SLC25A4: variants seen among roughly 807,000 people sequenced by gnomAD.
The protein encoded by SLC25A4 is solute carrier family 25 member 4.
Under a neutral mutation model 24.7 loss-of-function variants are expected in SLC25A4, and 10 were observed. The observed-to-expected ratio is 0.41, with a 90% confidence interval of 0.25 to 0.69. SLC25A4 has a LOEUF of 0.69. SLC25A4 is among the 30% of genes least tolerant of loss of function. SLC25A4 has a pLI of 0.35. For missense variants in SLC25A4, 273 were observed against 387.6 expected, an observed-to-expected ratio of 0.70 and a Z score of 2.48; for synonymous variants, 125 against 153.3, an observed-to-expected ratio of 0.82 and a Z score of 1.36.
At chr4:185,143,915 A>G (rs1448234178) in intron 1 of SLC25A4, among the ~76,000 whole-genome samples, 1 of 152,208 alleles carries the variant, frequency 6.6e-6, no homozygotes, top group African/African-American at 2.4e-5. Flanking sequence ...CTCATGCACA[A>G]TGCTGTATGT....
Position 185,143,451 on chromosome 4 carries a change from G to GC in SLC25A4, c.84dup (p.Ile29HisfsTer20). ...CGCTGCCGTCTCCAAGACCGCGGTC[G>GC]CCCCCATCGAGAGGGTCAAACTGCT... is the stretch of plus-strand genomic sequence containing the variant. On this transcript the variant is annotated frameshift_variant, in exon 1 of 4. Coordinates refer to ENST00000281456, the MANE Select transcript of SLC25A4 (RefSeq NM_001151.4). LOFTEE classifies it high-confidence loss of function. The GC allele has an allele frequency of 6.6e-7, 1 of 1,504,042 alleles. No individual in the cohort carries two copies. The highest frequency in any genetic ancestry group is 8.9e-7 in the Non-Finnish European group (1 of 1,122,486). The allele number at this position is 1,504,042 out of a possible 1,614,324, so 93.2% of individuals were successfully genotyped here.
Position 185,145,412 on chromosome 4 carries a change from A to G in SLC25A4, c.598+162A>G. 9.3e-7 allele frequency: 1 copy of G among 1,077,232 alleles called. No individual in the cohort carries two copies. 66.7% of individuals were successfully genotyped at this position (1,077,232 alleles called of 1,614,324 possible). On this transcript the variant is annotated intron_variant, in intron 2 of 3. Transcript: ENST00000281456. The surrounding 1 kb of genome is among the most constrained non-coding windows in gnomAD (Gnocchi z 5.5). ...GGTGATGTGCATAAGTTAATAGCTGAAGCGTTCCTTGTGTCCTCTACTGAA... is the reference window on the plus strand; with the variant it reads ...GGTGATGTGCATAAGTTAATAGCTGGAGCGTTCCTTGTGTCCTCTACTGAA...
intron 3 of SLC25A4, among the ~76,000 whole-genome samples, chr4:185,146,577 G>T (rs749658675): frequency 6.6e-6 from 1 of 152,128 alleles, no homozygotes; most frequent in African/African-American, 2.4e-5. Flanking sequence ...TGAATTACTT[G>T]GTTAATTGCC....
In SLC25A4 at chr4:185,149,747, G is replaced by A. The variant is rs1734505322; in HGVS notation, c.*2776G>A. 1 of 152,188 alleles carries A rather than the reference G, an allele frequency of 6.6e-6. No individual in the cohort carries two copies. Among genetic ancestry groups the A allele is most frequent in the African/African-American group, 2.4e-5 (1 of 41,420 alleles). The allele number at this position is 152,188 out of a possible 1,614,324, so 9.4% of individuals were successfully genotyped here. On this transcript the variant is annotated 3_prime_UTR_variant, in exon 4 of 4. Coordinates refer to ENST00000281456, the MANE Select transcript of SLC25A4 (RefSeq NM_001151.4). ...CCATTTCCCACACAGCTCTCTCCTAGGCGCAGCCCTCCTTCACCACCACCA... is the reference window on the plus strand; with the variant it reads ...CCATTTCCCACACAGCTCTCTCCTAAGCGCAGCCCTCCTTCACCACCACCA...
rs1389682956 is a variant in SLC25A4 at position 185,147,319 on chromosome 4, A to G, written c.*348A>G. 1 of 223,548 alleles carries G rather than the reference A, an allele frequency of 4.5e-6. No homozygotes were observed. Among genetic ancestry groups the G allele is most frequent in the Non-Finnish European group, 8.9e-6 (1 of 112,062 alleles). The allele number at this position is 223,548 out of a possible 1,614,324, so 13.8% of individuals were successfully genotyped here. ...TTATTAACTGTAAAATGCATTTTTA[A>G]AAGATCAAAAATGCATATTTTCTAG... On this transcript the variant is annotated 3_prime_UTR_variant, in exon 4 of 4. Transcript: ENST00000281456.
chr4:185,147,142 A>G lies in SLC25A4; in HGVS notation c.*171A>G. 1 of 591,328 alleles carries G rather than the reference A, an allele frequency of 1.7e-6. No individual in the cohort carries two copies. The highest frequency in any genetic ancestry group is 2.3e-5 in the South Asian group (1 of 44,402). The allele number at this position is 591,328 out of a possible 1,614,324, so 36.6% of individuals were successfully genotyped here. ...CTTCATTGAGTGTTCATTAAACCAC[A>G]CATGTATTTTGTATTTATTTTACAT... On this transcript the variant is annotated 3_prime_UTR_variant, in exon 4 of 4. Coordinates refer to ENST00000281456, the MANE Select transcript of SLC25A4 (RefSeq NM_001151.4).
chr4:185,145,556 C>G lies in SLC25A4; in HGVS notation c.599-203C>G. On this transcript the variant is annotated intron_variant, in intron 2 of 3. Coordinates refer to ENST00000281456, the MANE Select transcript of SLC25A4 (RefSeq NM_001151.4). This position sits in a 1 kb window ranked among gnomAD's most constrained non-coding sequence, Gnocchi z 5.5. ...CCACTTCCAATGCCCTGTATACAAG[C>G]TGAGCACTGCCCCTCCGGGGTCCGG... is the stretch of plus-strand genomic sequence containing the variant. 1.5e-6 allele frequency: 1 copy of G among 683,944 alleles called. No individual in the cohort carries two copies. Among genetic ancestry groups the G allele is most frequent in the Non-Finnish European group, 2.4e-6 (1 of 411,550 alleles). 42.4% of individuals were successfully genotyped at this position (683,944 alleles called of 1,614,324 possible). A position where few individuals can be genotyped will look rare whatever the true frequency, so the allele number is the denominator to read the frequency against.
chr4:185,146,158 T>C (rs1169737165), intron 3 of SLC25A4, among the ~76,000 whole-genome samples: 9 of 152,172 alleles, frequency 5.9e-5, no homozygotes, highest in South Asian at 2.1e-4. Context: ...TCCAGCATTA[T>C]AGAGACCCTA....
Position 185,145,990 on chromosome 4 carries a change from T to A in SLC25A4, c.739+91T>A. Reference sequence around the variant, plus strand: ...CCTTTCAGTCTTCCTTACTGGAAATTAATTTTCAAAATTATTTGATAAGGA... The same window carrying A: ...CCTTTCAGTCTTCCTTACTGGAAATAAATTTTCAAAATTATTTGATAAGGA... On this transcript the variant is annotated intron_variant, in intron 3 of 3. Coordinates refer to ENST00000281456, the MANE Select transcript of SLC25A4 (RefSeq NM_001151.4). This position sits in a 1 kb window ranked among gnomAD's most constrained non-coding sequence, Gnocchi z 5.5. The A allele has an allele frequency of 6.8e-7, 1 of 1,467,734 alleles. No individual in the cohort carries two copies. Among genetic ancestry groups the A allele is most frequent in the Non-Finnish European group, 9.4e-7 (1 of 1,065,626 alleles). 90.9% of individuals were successfully genotyped at this position (1,467,734 alleles called of 1,614,324 possible). A position where few individuals can be genotyped will look rare whatever the true frequency, so the allele number is the denominator to read the frequency against.
rs757866751 is a variant in SLC25A4, at chr4:185,145,781, C to T, written c.621C>T (p.Asn207=). 1.3e-5 allele frequency: 21 copies of T among 1,614,114 alleles called. No homozygotes were observed. Among genetic ancestry groups the T allele is most frequent in the Non-Finnish European group, 1.7e-5 (20 of 1,180,050 alleles). ...TAKGMLPDPK[N]VHIFVSWMIA... is the part of the protein sequence containing the mutation. ...CAGGGATGCTGCCTGACCCCAAGAA[C>T]GTGCACATTTTTGTGAGCTGGATGA... The change falls in exon 3 of 4, where the codon AAC becomes AAT. Residue 207 remains asparagine (N), a synonymous_variant. Transcript: ENST00000281456. This position sits in a 1 kb window ranked among gnomAD's most constrained non-coding sequence, Gnocchi z 5.5.
Position 185,147,426 on chromosome 4 carries a change from G to A in SLC25A4, c.*455G>A. 5.9e-6 allele frequency: 1 copy of A among 170,404 alleles called. No individual in the cohort carries two copies. The allele number at this position is 170,404 out of a possible 1,614,324, so 10.6% of individuals were successfully genotyped here. A position where few individuals can be genotyped will look rare whatever the true frequency, so the allele number is the denominator to read the frequency against. On this transcript the variant is annotated 3_prime_UTR_variant, in exon 4 of 4. Transcript: ENST00000281456. ...AATGTATTATATGAGAACGTACAAT[G>A]CTTAAAGTTCCGGTTTTCAAACTTA...
rs1264504342 is a variant in SLC25A4, at chr4:185,145,397, ATAAGT to A, written c.598+151_598+155del. ...GCTTCTGAATGAGGAGGTGATGTGC[ATAAGT>A]TAATAGCTGAAGCGTTCCTTGTGTC... is the stretch of plus-strand genomic sequence containing the variant. On this transcript the variant is annotated intron_variant, in intron 2 of 3. Transcript: ENST00000281456. This position sits in a 1 kb window ranked among gnomAD's most constrained non-coding sequence, Gnocchi z 5.5. 1.7e-6 allele frequency: 2 copies of A among 1,210,530 alleles called. No homozygotes were observed. Among genetic ancestry groups the A allele is most frequent in the Non-Finnish European group, 2.3e-6 (2 of 853,316 alleles). 75.0% of individuals were successfully genotyped at this position (1,210,530 alleles called of 1,614,324 possible).
rs776529885 is a variant in SLC25A4, at chr4:185,145,733, G to A, written c.599-26G>A. 8 of 1,614,050 alleles carry A rather than the reference G, an allele frequency of 5.0e-6. No individual in the cohort carries two copies. The highest frequency in any genetic ancestry group is 2.2e-5 in the East Asian group (1 of 44,880). On this transcript the variant is annotated intron_variant, in intron 2 of 3. Transcript: ENST00000281456. The surrounding 1 kb of genome is among the most constrained non-coding windows in gnomAD (Gnocchi z 5.5). Reference sequence around the variant, plus strand: ...TGCTGAGAACAGGCACTTCATAGCCGTTCGGCTTCTGGGCTCTGTCCACAG... The same window carrying A: ...TGCTGAGAACAGGCACTTCATAGCCATTCGGCTTCTGGGCTCTGTCCACAG...
intron 1 of SLC25A4, among the ~76,000 whole-genome samples, chr4:185,143,920 GTA>G (rs1734391538): frequency 6.6e-6 from 1 of 152,352 alleles, no homozygotes; most frequent in African/African-American, 2.4e-5. Context: ...GCACAATGCT[GTA>G]TGTAGGCTGA....
In SLC25A4 at chr4:185,145,774, C is replaced by A; in HGVS notation, c.614C>A (p.Pro205His). 6.2e-7 allele frequency: 1 copy of A among 1,614,214 alleles called. No homozygotes were observed. Among genetic ancestry groups the A allele is most frequent in the Non-Finnish European group, 8.5e-7 (1 of 1,180,042 alleles). ...YDTAKGMLPD[P>H]KNVHIFVSWM... ...CTGTCCACAGGGATGCTGCCTGACC[C>A]CAAGAACGTGCACATTTTTGTGAGC... Residue 205 changes from proline (P) to histidine (H), a missense_variant, in exon 3 of 4, where the codon CCC (proline) becomes CAC (histidine). Pro to His is a moderately conservative substitution (Grantham distance 77). Transcript: ENST00000281456. This position sits in a 1 kb window ranked among gnomAD's most constrained non-coding sequence, Gnocchi z 5.5.
At chr4:185,144,690 C>CTTTTTTTTTTT in intron 1 of SLC25A4, 74 bp from the exon 2 acceptor site, 1 of 1,404,986 alleles carries the variant, frequency 7.1e-7, no homozygotes, top group Non-Finnish European at 9.8e-7. Flanking sequence ...AAGTGCAAAC[C>CTTTTTTTTTTT]TTTTTTTTTC....
rs2111286669 is a variant in SLC25A4, at chr4:185,145,868, T to C, written c.708T>C (p.Arg236=). 6.2e-7 allele frequency: 1 copy of C among 1,614,194 alleles called. No individual in the cohort carries two copies. The highest frequency in any genetic ancestry group is 2.2e-5 in the East Asian group (1 of 44,876). Residue 236 remains arginine, a synonymous_variant, in exon 3 of 4, where the codon CGT becomes CGC. Transcript: ENST00000281456. This position sits in a 1 kb window ranked among gnomAD's most constrained non-coding sequence, Gnocchi z 5.5. The stretch of plus-strand genomic sequence containing the variant: ...CCTACCCCTTTGACACTGTTCGTCG[T>C]AGAATGATGATGCAGTCCGGCCGGA... ...LVSYPFDTVR[R]RMMMQSGRKG...
In SLC25A4 at chr4:185,143,324, CGAGAGCACGAACGGGCTGCCTGCGGGCT is replaced by C. The variant is rs1186770317; in HGVS notation, c.-42_-15del. On this transcript the variant is annotated 5_prime_UTR_variant, in exon 1 of 4. Transcript: ENST00000281456. ...GCGGCGGTGCCAGGCCGGGCGTGGG[CGAGAGCACGAACGGGCTGCCTGCGGGCT>C]GAGAGCGTCGAGCTGTCACCATGGG... 63 of 1,160,662 alleles carry C rather than the reference CGAGAGCACGAACGGGCTGCCTGCGGGCT, an allele frequency of 5.4e-5. 1 individual carries two copies. The East Asian group carries it at 1.8e-3, about 33-fold the overall frequency. The allele number at this position is 1,160,662 out of a possible 1,614,324, so 71.9% of individuals were successfully genotyped here. A position where few individuals can be genotyped will look rare whatever the true frequency, so the allele number is the denominator to read the frequency against.
At position 185,145,989 on chromosome 4, in the gene SLC25A4, T is replaced by C. The variant is rs780582088; in HGVS notation, c.739+90T>C. The C allele has an allele frequency of 6.8e-7, 1 of 1,473,562 alleles. No homozygotes were observed. 91.3% of individuals were successfully genotyped at this position (1,473,562 alleles called of 1,614,324 possible). A position where few individuals can be genotyped will look rare whatever the true frequency, so the allele number is the denominator to read the frequency against. Reference sequence around the variant, plus strand: ...TCCTTTCAGTCTTCCTTACTGGAAATTAATTTTCAAAATTATTTGATAAGG... The same window carrying C: ...TCCTTTCAGTCTTCCTTACTGGAAACTAATTTTCAAAATTATTTGATAAGG... On this transcript the variant is annotated intron_variant, in intron 3 of 3. Transcript: ENST00000281456. The surrounding 1 kb of genome is among the most constrained non-coding windows in gnomAD (Gnocchi z 5.5).
Sources: allele counts gnomAD v4.1 joint callset (sites outside exome capture counted in the v4.1 genomes callset), GRCh38; gene constraint gnomAD v4.1.1; non-coding constraint Gnocchi (gnomAD v3.1); transcripts MANE v1.5; gene names NCBI Gene and HGNC (gene_info 2026-07-23, HGNC 2026-07-21).